The following WNT5A variants were observed in gnomAD, a reference collection of about 807,000 sequenced individuals.
The protein encoded by WNT5A is protein Wnt-5a.
A neutral mutation model predicts 42.1 loss-of-function variants in WNT5A; 9 were observed. The ratio of observed to expected loss-of-function variants is 0.21; its 90% confidence interval spans 0.13 to 0.37. The LOEUF is 0.37. Ranked by LOEUF, WNT5A falls within the 10% of genes least tolerant of loss-of-function variation. The probability of loss-of-function intolerance (pLI) is 1.00; values close to 1 mark genes in which losing one functional copy is unlikely to be tolerated. For missense variants in WNT5A, 426 were observed against 534.0 expected, an observed-to-expected ratio of 0.80 and a Z score of 1.99; for synonymous variants, 210 against 210.0, an observed-to-expected ratio of 1.00 and a Z score of 0.00.
intron 1 of WNT5A, 112 bp from the exon 2 acceptor site, chr3:55,481,030 G>A: frequency 8.6e-7 from 1 of 1,162,256 alleles, no homozygotes; most frequent in South Asian, 3.6e-5. Context: ...TTGATTGACT[G>A]CGCTTCTCCT....
At chr3:55,477,988 T>C (rs1007417741) in intron 3 of WNT5A, among the ~76,000 whole-genome samples, 3 of 152,194 alleles carry the variant, frequency 2.0e-5, no homozygotes, top group Non-Finnish European at 2.9e-5. Flanking sequence ...TTAAGTTCCC[T>C]TACAATATCA....
rs1291913284 is a variant in WNT5A, at chr3:55,466,332, A to C, written c.*3760T>G. 2 of 152,174 alleles carry C rather than the reference A, an allele frequency of 1.3e-5. No individual in the cohort carries two copies. The highest frequency in any genetic ancestry group is 4.8e-5 in the African/African-American group (2 of 41,444). 9.4% of individuals were successfully genotyped at this position (152,174 alleles called of 1,614,324 possible). A position where few individuals can be genotyped will look rare whatever the true frequency, so the allele number is the denominator to read the frequency against. On this transcript the variant is annotated 3_prime_UTR_variant, in exon 5 of 5. Transcript: ENST00000264634. ...ATTGTGGGCCACTAAGTGTTTGTGG[A>C]CTGATGCTGCTAACGATCTCTTGGA...
At chr3:55,485,667 G>C (rs2051564654) in intron 1 of WNT5A, among the ~76,000 whole-genome samples, 2 of 152,134 alleles carry the variant, frequency 1.3e-5, no homozygotes, top group Admixed American at 6.5e-5. Context: ...AAGGTGGCTG[G>C]GGGGAGGGCA....
chr3:55,485,747 A>G (rs1192530819), intron 1 of WNT5A, among the ~76,000 whole-genome samples: 1 of 152,134 alleles, frequency 6.6e-6, no homozygotes, highest in African/African-American at 2.4e-5. Flanking sequence ...CCATTTAAAG[A>G]GAGAAGAGAG....
chr3:55,481,188 A>G, intron 1 of WNT5A: 1 of 708,950 alleles, frequency 1.4e-6, no homozygotes, highest in Non-Finnish European at 1.8e-6. Context: ...TGTTGAGTCA[A>G]AGCCCTGGTG....
At chr3:55,475,168 T>C (rs2051332038) in intron 3 of WNT5A, among the ~76,000 whole-genome samples, 1 of 152,168 alleles carries the variant, frequency 6.6e-6, no homozygotes, top group Admixed American at 6.5e-5. Flanking sequence ...CTTTTGAAAA[T>C]AGTCAAAACT....
upstream of WNT5A, chr3:55,488,033 G>A (rs1468741721): frequency 2.0e-5 from 3 of 152,320 alleles, no homozygotes; most frequent in South Asian, 2.1e-4. Context: ...GCGCGAGGCT[G>A]GGGAAGGGCG....
Position 55,470,049 on chromosome 3 carries a change from T to A in WNT5A, c.*43A>T, listed in dbSNP as rs1345732761. 1 of 1,610,990 alleles carries A rather than the reference T, an allele frequency of 6.2e-7. No individual in the cohort carries two copies. The highest frequency in any genetic ancestry group is 1.7e-5 in the Admixed American group (1 of 60,014). On this transcript the variant is annotated 3_prime_UTR_variant, in exon 5 of 5. Transcript: ENST00000264634. ...CCAGAATCACTGTACTTTCTATAAA[T>A]AAGCGGGTCCTGGGAGCGGGGCTGA...
At chr3:55,473,786 GC>G (rs1278793034) in intron 4 of WNT5A, among the ~76,000 whole-genome samples, 4 of 151,988 alleles carry the variant, frequency 2.6e-5, no homozygotes, top group South Asian at 2.1e-4. Context: ...TGGGGTGAGG[GC>G]TTTCCCATCT....
chr3:55,494,265 T>C (rs1198825882), upstream of WNT5A, among the ~76,000 whole-genome samples: 1 of 152,254 alleles, frequency 6.6e-6, no homozygotes, highest in Non-Finnish European at 1.5e-5. Context: ...CTGTTCTCAA[T>C]AATTACTTTT....
rs1036711847 is a variant in WNT5A at position 55,487,212 on chromosome 3, G to A, written c.-227C>T. 5 of 504,920 alleles carry A rather than the reference G, an allele frequency of 9.9e-6. No individual in the cohort carries two copies. In the African/African-American group the frequency reaches 1.0e-4, roughly 10 times the overall value. The allele number at this position is 504,920 out of a possible 1,614,324, so 31.3% of individuals were successfully genotyped here. Reference sequence around the variant, plus strand: ...GCTGGGATGCGCCCAGGAATGGAGGGGGCGCGGACGCGCGCGAGCCGGCAG... The same window carrying A: ...GCTGGGATGCGCCCAGGAATGGAGGAGGCGCGGACGCGCGCGAGCCGGCAG... On this transcript the variant is annotated 5_prime_UTR_variant, in exon 1 of 5. Coordinates refer to ENST00000264634, the MANE Select transcript of WNT5A (RefSeq NM_003392.7).
intron 1 of WNT5A, among the ~76,000 whole-genome samples, chr3:55,486,640 A>G (rs1357351955): frequency 6.6e-6 from 1 of 152,270 alleles, no homozygotes; most frequent in Non-Finnish European, 1.5e-5. Flanking sequence ...TTACTGAAAT[A>G]TACATAGTAA....
chr3:55,474,903 G>T (rs1388878056), intron 3 of WNT5A, among the ~76,000 whole-genome samples: 1 of 133,770 alleles, frequency 7.5e-6, no homozygotes, highest in African/African-American at 2.9e-5. Context: ...GCTGGGGGGA[G>T]GTTGGGGTAG....
the WNT5A span, among the ~76,000 whole-genome samples, chr3:55,499,551 C>T: frequency 1.3e-5 from 2 of 152,172 alleles, no homozygotes; most frequent in Non-Finnish European, 2.9e-5. Flanking sequence ...TTTTCTGATA[C>T]TATTTCATTT....
At chr3:55,489,841 G>A (rs751788818), upstream of WNT5A, 1 of 152,332 alleles carries the variant, frequency 6.6e-6, no homozygotes, top group Non-Finnish European at 1.5e-5. Flanking sequence ...GCCCACCTGA[G>A]GAGGGTGTCT....
the WNT5A span, among the ~76,000 whole-genome samples, chr3:55,497,192 A>G: frequency 3.9e-5 from 6 of 152,216 alleles, no homozygotes; most frequent in Non-Finnish European, 8.8e-5. Context: ...GAGCCTCCTA[A>G]ATATGTTTGT....
the WNT5A span, among the ~76,000 whole-genome samples, chr3:55,498,394 T>G: frequency 6.6e-6 from 1 of 152,120 alleles, no homozygotes; most frequent in Non-Finnish European, 1.5e-5. Flanking sequence ...TCTCAAGGAC[T>G]CACAATAAAG....
intron 4 of WNT5A, among the ~76,000 whole-genome samples, chr3:55,471,128 A>T (rs930293977): frequency 6.6e-6 from 1 of 152,186 alleles, no homozygotes; most frequent in East Asian, 1.9e-4. Flanking sequence ...CAGGGTTCAA[A>T]TCTTAACCCA....
upstream of WNT5A, among the ~76,000 whole-genome samples, chr3:55,490,824 G>C (rs987134726): frequency 6.6e-6 from 1 of 152,142 alleles, no homozygotes; most frequent in Non-Finnish European, 1.5e-5. Context: ...TGGTTACTGG[G>C]TATTTCCCCA....
Sources: allele counts gnomAD v4.1 joint callset (sites outside exome capture counted in the v4.1 genomes callset), GRCh38; gene constraint gnomAD v4.1.1; transcripts MANE v1.5; gene names NCBI Gene and HGNC (gene_info 2026-07-23, HGNC 2026-07-21).